LMNA: variants seen among roughly 807,000 people sequenced by gnomAD.
LMNA encodes the protein lamin A/C, also known as lamin.
LMNA carries 20 observed loss-of-function variants against 70.4 expected under a neutral mutation model. That is an observed-to-expected ratio of 0.28 (90% CI 0.20 to 0.41). The LOEUF (loss-of-function observed/expected upper bound fraction) is 0.41, where lower values mean the gene tolerates loss of function less well. Among genes scored for constraint, LMNA ranks in the 10% least tolerant of loss-of-function variants. The probability of loss-of-function intolerance (pLI) is 1.00; values close to 1 mark genes in which losing one functional copy is unlikely to be tolerated. For synonymous variants in LMNA, 339 were observed against 372.8 expected (o/e 0.91, Z 1.04); for missense variants, 652 against 917.2 (o/e 0.71, Z 3.73).
upstream of LMNA, among the ~76,000 whole-genome samples, chr1:156,113,417 C>A (rs1320649966): frequency 6.6e-6 from 1 of 152,008 alleles, no homozygotes; most frequent in Non-Finnish European, 1.5e-5. Flanking sequence ...TCAAAAGGGT[C>A]CTTGGTGAGG....
intron 1 of LMNA, among the ~76,000 whole-genome samples, chr1:156,128,993 G>A (rs1650815285): frequency 6.6e-6 from 1 of 152,224 alleles, no homozygotes; most frequent in Admixed American, 6.5e-5. Flanking sequence ...GAAAAGTTCT[G>A]AAGTCATGGA....
At chr1:156,130,848 C>T in intron 2 of LMNA, 75 bp downstream of exon 2, 1 of 1,419,202 alleles carries the variant, frequency 7.0e-7, no homozygotes, top group Non-Finnish European at 9.7e-7. Context: ...TAGGCCCTCC[C>T]CCATGTGGTG....
upstream of LMNA, among the ~76,000 whole-genome samples, chr1:156,110,608 G>A (rs548806184): frequency 6.6e-6 from 1 of 152,284 alleles, no homozygotes; most frequent in East Asian, 1.9e-4. Context: ...ACTTTGGGAG[G>A]CTGAGGTGGG....
chr1:156,105,825 A>G (rs1649311371), intron 3 of LMNA, among the ~76,000 whole-genome samples: 1 of 152,166 alleles, frequency 6.6e-6, no homozygotes, highest in Admixed American at 6.5e-5. Flanking sequence ...TAGCATTAAA[A>G]GTCCCTTATC....
intron 3 of LMNA, among the ~76,000 whole-genome samples, chr1:156,095,109 A>C (rs1343325733): frequency 1.3e-5 from 2 of 151,744 alleles, no homozygotes; most frequent in Non-Finnish European, 2.9e-5. Flanking sequence ...TTGTATTTTT[A>C]TTAGAGATGT....
In LMNA at chr1:156,134,797, C is replaced by G. The variant is rs1265858848; in HGVS notation, c.640-8C>G. 1.9e-6 allele frequency: 3 copies of G among 1,614,070 alleles called. No homozygotes were observed. Among genetic ancestry groups the G allele is most frequent in the African/African-American group, 2.7e-5 (2 of 74,924 alleles). ...TTGGTTTCTGTGTCCTTCCTCCAAC[C>G]CTTCCAGGAGCTGCGTGAGACCAAG... On this transcript the variant is annotated splice_region_variant and splice_polypyrimidine_tract_variant and intron_variant, in intron 3 of 11. Coordinates refer to ENST00000368300, the MANE Select transcript of LMNA (RefSeq NM_170707.4). This position sits in a 1 kb window ranked among gnomAD's most constrained non-coding sequence, Gnocchi z 5.3.
intron 1 of LMNA, 80 bp from the exon 2 acceptor site, chr1:156,130,537 T>C (rs1359031284): frequency 2.7e-6 from 4 of 1,466,282 alleles, no homozygotes; most frequent in African/African-American, 2.8e-5. Flanking sequence ...CCAGCCCCCA[T>C]GGCTGACCTC....
rs11264444 is a variant in LMNA at position 156,134,988 on chromosome 1, G to A, written c.810+13G>A. 1.9e-6 allele frequency: 3 copies of A among 1,613,954 alleles called. No individual in the cohort carries two copies. Among genetic ancestry groups the A allele is most frequent in the Non-Finnish European group, 2.5e-6 (3 of 1,180,038 alleles). ...TTATTCTGCCAAGGTGCTTGCTCTCGATTGGTTCCCTCACTGCCTCTGCCC... is the reference window on the plus strand; with the variant it reads ...TTATTCTGCCAAGGTGCTTGCTCTCAATTGGTTCCCTCACTGCCTCTGCCC... On this transcript the variant is annotated intron_variant, in intron 4 of 11. Coordinates refer to ENST00000368300, the MANE Select transcript of LMNA (RefSeq NM_170707.4). This position sits in a 1 kb window ranked among gnomAD's most constrained non-coding sequence, Gnocchi z 5.3.
chr1:156,117,969 A>ATTTTTTTTTTT (rs1186679791), intron 1 of LMNA, among the ~76,000 whole-genome samples: 503 of 91,762 alleles, frequency 5.5e-3, no homozygotes, highest in Non-Finnish European at 7.1e-3. Flanking sequence ...CGCTTGGCTA[A>ATTTTTTTTTTT]TTTTTTTTTT....
chr1:156,114,820 C>A lies in LMNA; in HGVS notation c.-99C>A. ...AGGAGCAAGCCGAGAGCCAGCCGGC[C>A]GGCGCACTCCGACTCCGAGCAGTCT... is the stretch of plus-strand genomic sequence containing the variant. On this transcript the variant is annotated 5_prime_UTR_variant, in exon 1 of 12. Transcript: ENST00000368300. The A allele has an allele frequency of 1.2e-6, 1 of 820,678 alleles. No homozygotes were observed. Among genetic ancestry groups the A allele is most frequent in the Non-Finnish European group, 1.8e-6 (1 of 545,836 alleles). The allele number at this position is 820,678 out of a possible 1,614,324, so 50.8% of individuals were successfully genotyped here. A position where few individuals can be genotyped will look rare whatever the true frequency, so the allele number is the denominator to read the frequency against.
chr1:156,105,630 G>A (rs1368288876), intron 3 of LMNA, among the ~76,000 whole-genome samples: 14 of 152,220 alleles, frequency 9.2e-5, no homozygotes, highest in Non-Finnish European at 1.5e-4. Flanking sequence ...GGGAGCAAAG[G>A]AAAGTGAAGT....
chr1:156,095,273 G>C, intron 3 of LMNA, among the ~76,000 whole-genome samples: 1 of 152,080 alleles, frequency 6.6e-6, no homozygotes, highest in South Asian at 2.1e-4. Context: ...CATGTTACTC[G>C]GACTGATCGC....
intron 1 of LMNA, among the ~76,000 whole-genome samples, chr1:156,125,028 C>G (rs1650457826): frequency 6.6e-6 from 1 of 152,192 alleles, no homozygotes; most frequent in South Asian, 2.1e-4. Context: ...GTGCCTGAGC[C>G]TACCCGTCTC....
chr1:156,136,419 C>T lies in LMNA; in HGVS notation c.1363C>T (p.Arg455Cys), dbSNP rs397517892. The T allele has an allele frequency of 3.8e-6, 6 of 1,586,920 alleles. No individual in the cohort carries two copies. Among genetic ancestry groups the T allele is most frequent in the African/African-American group, 2.7e-5 (2 of 74,242 alleles). Residue 455 changes from arginine (R) to cysteine (C), a missense_variant, in exon 7 of 12, where the codon CGC (arginine) becomes TGC (cysteine). By Grantham distance (180) the Arg-to-Cys change is radical. This residue lies in a region of LMNA where 327 missense variants were observed against 387.6 expected (regional missense o/e 0.84). Transcript: ENST00000368300. This position sits in a 1 kb window ranked among gnomAD's most constrained non-coding sequence, Gnocchi z 6.1. ...VDEEGKFVRLRNKSNEDQSMG... is the reference protein window; with the variant it reads ...VDEEGKFVRLCNKSNEDQSMG... ...TGAGGAGGGCAAGTTTGTCCGGCTG[C>T]GCAACAAGTCCAATGAGGTAGGCTC...
chr1:156,136,234 C>T lies in LMNA; in HGVS notation c.1178C>T (p.Pro393Leu). Residue 393 changes from proline (P) to leucine (L), a missense_variant, in exon 7 of 12, where the codon CCT (proline) becomes CTT (leucine). Around this residue, in one of 4 missense-constraint regions of LMNA, gnomAD observed 327 missense variants for 387.6 expected, o/e 0.84. Transcript: ENST00000368300. The surrounding 1 kb of genome is among the most constrained non-coding windows in gnomAD (Gnocchi z 6.1). Reference protein sequence around the residue: ...EEERLRLSPSPTSQRSRGRAS... With the variant: ...EEERLRLSPSLTSQRSRGRAS... The stretch of plus-strand genomic sequence containing the variant: ...CCCAGGCTACGCCTGTCCCCCAGCC[C>T]TACCTCGCAGCGCAGCCGTGGCCGT... 7 of 1,612,364 alleles carry T rather than the reference C, an allele frequency of 4.3e-6. No individual in the cohort carries two copies. Among genetic ancestry groups the T allele is most frequent in the Non-Finnish European group, 5.9e-6 (7 of 1,180,034 alleles).
intron 2 of LMNA, among the ~76,000 whole-genome samples, chr1:156,084,315 G>A (rs1199157832): frequency 8.8e-6 from 1 of 113,856 alleles, no homozygotes; most frequent in Non-Finnish European, 1.8e-5. Flanking sequence ...CTGAGCTGAG[G>A]ATCTCAGAAG....
chr1:156,099,081 G>A lies in LMNA; in HGVS notation c.-207+8499G>A, dbSNP rs572073000. On this transcript the variant is annotated intron_variant, in intron 3 of 12. Coordinates refer to the LMNA transcript ENST00000368301. ...CAGCTGGGGTTGGTCAGGGCTCCCCGTTGGCAGGGAGGGAGGCAGGCAGGC... is the reference window on the plus strand; with the variant it reads ...CAGCTGGGGTTGGTCAGGGCTCCCCATTGGCAGGGAGGGAGGCAGGCAGGC... 5.3e-5 allele frequency among the ~76,000 whole-genome samples: 8 copies of A among 152,276 alleles called. No homozygotes were observed. In the East Asian group the frequency reaches 9.6e-4, roughly 18 times the overall value.
chr1:156,110,014 A>AT (rs528132160), upstream of LMNA, among the ~76,000 whole-genome samples: 13 of 149,098 alleles, frequency 8.7e-5, no homozygotes, highest in South Asian at 2.1e-4. Context: ...CCCCCAGCTA[A>AT]TTTTTTTTTT....
At chr1:156,087,626 T>C (rs112941217) in intron 2 of LMNA, among the ~76,000 whole-genome samples, 4,043 of 152,116 alleles carry the variant, frequency 0.027, 64 homozygotes, top group South Asian at 0.046. Context: ...TGATCATGGC[T>C]CACTGAAGCC....
Sources: gnomAD v4.1 joint callset for allele counts (sites outside exome capture counted in the v4.1 genomes callset) on GRCh38, gnomAD v4.1.1 for gene constraint, gnomAD v4.1.1 regional missense constraint, Gnocchi (gnomAD v3.1) non-coding constraint, MANE v1.5 for transcripts, NCBI Gene and HGNC (gene_info 2026-07-23, HGNC 2026-07-21) for gene names.